RPH3A: variants seen among roughly 807,000 people sequenced by gnomAD.
RPH3A encodes the protein rabphilin 3A.
RPH3A carries 48 observed loss-of-function variants against 102.2 expected under a neutral mutation model. That is an observed-to-expected ratio of 0.47 (90% CI 0.37 to 0.60). The LOEUF (loss-of-function observed/expected upper bound fraction) is 0.60, where lower values mean the gene tolerates loss of function less well. Among genes scored for constraint, RPH3A ranks in the 20% least tolerant of loss-of-function variants. RPH3A has a pLI of 0.00. For missense variants in RPH3A, 781 were observed against 910.1 expected (o/e 0.86, Z 1.83); for synonymous variants, 310 against 324.3 (o/e 0.96, Z 0.47).
intron 1 of RPH3A, among the ~76,000 whole-genome samples, chr12:112,785,269 G>A (rs913801179): frequency 2.6e-5 from 4 of 151,616 alleles, no homozygotes; most frequent in Non-Finnish European, 5.9e-5. Context: ...GTGGTTGGCA[G>A]AGCATAGTTA....
chr12:112,720,274 C>A (rs2040542030), intron 1 of RPH3A, among the ~76,000 whole-genome samples: 1 of 152,178 alleles, frequency 6.6e-6, no homozygotes, highest in African/African-American at 2.4e-5. Context: ...AGTTCAATGT[C>A]AGACTGAATA....
At chr12:112,803,803 G>A (rs1344754931) in intron 2 of RPH3A, among the ~76,000 whole-genome samples, 4 of 152,080 alleles carry the variant, frequency 2.6e-5, no homozygotes, top group African/African-American at 4.8e-5. Context: ...TTAGAAGCAC[G>A]GCTGCTGTCC....
chr12:112,754,836 C>A (rs1373577135), intron 1 of RPH3A, among the ~76,000 whole-genome samples: 4 of 152,202 alleles, frequency 2.6e-5, no homozygotes, highest in Admixed American at 2.6e-4. Flanking sequence ...CTTGGCTTCA[C>A]ACTAAAACCA....
At chr12:112,608,590 G>A (rs1290349543) in intron 1 of RPH3A, among the ~76,000 whole-genome samples, 2 of 152,156 alleles carry the variant, frequency 1.3e-5, no homozygotes, top group African/African-American at 4.8e-5. Flanking sequence ...GAGATATTTG[G>A]GGAAACTGGC....
intron 1 of RPH3A, among the ~76,000 whole-genome samples, chr12:112,677,842 G>A (rs1592939131): frequency 6.6e-6 from 1 of 152,170 alleles, no homozygotes; most frequent in East Asian, 1.9e-4. Context: ...CTCTCCAGGT[G>A]ACAAAGTCTG....
chr12:112,719,394 A>C (rs1592961483), intron 1 of RPH3A, among the ~76,000 whole-genome samples: 1 of 152,174 alleles, frequency 6.6e-6, no homozygotes, highest in East Asian at 1.9e-4. Context: ...CAGTTATCCC[A>C]TCTGAGAGGT....
chr12:112,882,418 T>C (rs1339803776), intron 15 of RPH3A, among the ~76,000 whole-genome samples: 1 of 152,192 alleles, frequency 6.6e-6, no homozygotes, highest in Non-Finnish European at 1.5e-5. Context: ...GGTTTTTGTT[T>C]TGTGCTTTGT....
intron 1 of RPH3A, among the ~76,000 whole-genome samples, chr12:112,698,167 T>C (rs1260515413): frequency 6.6e-6 from 1 of 152,172 alleles, no homozygotes; most frequent in Admixed American, 6.5e-5. Flanking sequence ...AATAATAGTC[T>C]TTTCAACAAA....
chr12:112,727,458 G>GACACAGACAC (rs2040600803), intron 1 of RPH3A, among the ~76,000 whole-genome samples: 1 of 30,604 alleles, frequency 3.3e-5, no homozygotes, highest in Non-Finnish European at 4.7e-5. Context: ...CACAGACACA[G>GACACAGACAC]ACACACACAC....
At chr12:112,793,778 T>C (rs1222926819) in intron 2 of RPH3A, among the ~76,000 whole-genome samples, 1 of 152,092 alleles carries the variant, frequency 6.6e-6, no homozygotes, top group Admixed American at 6.5e-5. Flanking sequence ...TCGATCAGAA[T>C]GGCTAGGGTC....
intron 1 of RPH3A, among the ~76,000 whole-genome samples, chr12:112,748,635 T>C (rs954422538): frequency 5.9e-5 from 9 of 152,200 alleles, no homozygotes; most frequent in African/African-American, 2.2e-4. Context: ...ATGCCTGGCC[T>C]GCTCCCACTC....
At chr12:112,864,448 C>CAA (rs11324677) in intron 5 of RPH3A, among the ~76,000 whole-genome samples, 3,987 of 101,834 alleles carry the variant, frequency 0.039, 97 homozygotes, top group Non-Finnish European at 0.048. Context: ...AAGACTCTGT[C>CAA]AAAAAAAAAA....
chr12:112,601,870 G>T (rs2039561811), intron 1 of RPH3A, among the ~76,000 whole-genome samples: 1 of 152,174 alleles, frequency 6.6e-6, no homozygotes, highest in Non-Finnish European at 1.5e-5. Context: ...GAGCCTGGGA[G>T]GTCCAGGCTG....
chr12:112,669,304 T>C (rs1566250822), intron 1 of RPH3A, among the ~76,000 whole-genome samples: 1 of 152,246 alleles, frequency 6.6e-6, no homozygotes, highest in Non-Finnish European at 1.5e-5. Flanking sequence ...TCATTCCATG[T>C]TGTAAACTTG....
At chr12:112,648,570 CAAAAAAAAAA>C (rs1167121829) in intron 1 of RPH3A, among the ~76,000 whole-genome samples, 3 of 11,046 alleles carry the variant, frequency 2.7e-4, no homozygotes, top group Non-Finnish European at 4.6e-4. Flanking sequence ...CCCATCTCTA[CAAAAAAAAAA>C]AAAAAAAAAA....
At chr12:112,731,649 A>T (rs971296764) in intron 1 of RPH3A, among the ~76,000 whole-genome samples, 4 of 152,160 alleles carry the variant, frequency 2.6e-5, no homozygotes, top group Non-Finnish European at 5.9e-5. Context: ...AGTTTGTGCC[A>T]TCTCGTCCTT....
At chr12:112,780,425 C>G (rs549248993) in intron 1 of RPH3A, among the ~76,000 whole-genome samples, 1 of 142,670 alleles carries the variant, frequency 7.0e-6, no homozygotes, top group Non-Finnish European at 1.5e-5. Flanking sequence ...CATCTCATGT[C>G]CCCTAGGTTT....
chr12:112,664,146 C>T (rs900578010), intron 1 of RPH3A, among the ~76,000 whole-genome samples: 2 of 152,036 alleles, frequency 1.3e-5, no homozygotes, highest in Admixed American at 1.3e-4. Flanking sequence ...AGAACGTGTG[C>T]AAAACCTTAG....
At chr12:112,774,758 C>T (rs757200658) in intron 1 of RPH3A, among the ~76,000 whole-genome samples, 9 of 151,392 alleles carry the variant, frequency 5.9e-5, no homozygotes, top group African/African-American at 2.4e-5. Flanking sequence ...AGGGGAACAA[C>T]ACACACTGGA....
Sources: allele counts gnomAD v4.1 joint callset (sites outside exome capture counted in the v4.1 genomes callset), GRCh38; gene constraint gnomAD v4.1.1; transcripts MANE v1.5; gene names NCBI Gene and HGNC (gene_info 2026-07-23, HGNC 2026-07-21).